Variants in CDH19 observed in about 807,000 individuals in gnomAD.
The protein encoded by CDH19 is cadherin 19.
Under a neutral mutation model 64.2 loss-of-function variants are expected in CDH19, and 67 were observed. That is an observed-to-expected ratio of 1.04 (90% CI 0.86 to 1.28). CDH19 has a LOEUF of 1.28. Among genes scored for constraint, CDH19 ranks in the 50% most tolerant of loss-of-function variants. CDH19 has a pLI of 0.00. For missense variants in CDH19, 1,030 were observed against 929.0 expected, an observed-to-expected ratio of 1.11 and a Z score of -1.41; for synonymous variants, 346 against 319.3, an observed-to-expected ratio of 1.08 and a Z score of -0.89.
intron 3 of CDH19, among the ~76,000 whole-genome samples, chr18:66,559,545 T>C (rs996920724): frequency 6.6e-6 from 1 of 150,462 alleles, no homozygotes; most frequent in Non-Finnish European, 1.5e-5. Context: ...TAAAACTAAA[T>C]AATTAAAGTT....
intron 9 of CDH19, among the ~76,000 whole-genome samples, chr18:66,526,431 A>G (rs1159453846): frequency 6.6e-6 from 1 of 152,124 alleles, no homozygotes; most frequent in African/African-American, 2.4e-5. Flanking sequence ...TGCAATAAAC[A>G]TTAGCATTTG....
intron 1 of CDH19, among the ~76,000 whole-genome samples, chr18:66,583,909 A>G (rs1036184744): frequency 6.6e-6 from 1 of 152,104 alleles, no homozygotes; most frequent in Non-Finnish European, 1.5e-5. Flanking sequence ...CTGGAAGACA[A>G]TCTAGGCAAT....
At chr18:66,582,301 T>A (rs1433018365) in intron 1 of CDH19, among the ~76,000 whole-genome samples, 2 of 151,934 alleles carry the variant, frequency 1.3e-5, no homozygotes, top group Non-Finnish European at 2.9e-5. Context: ...AAGTTGAAGC[T>A]GGGAAATGTG....
intron 9 of CDH19, among the ~76,000 whole-genome samples, chr18:66,527,074 T>C (rs555505540): frequency 2.0e-5 from 3 of 151,536 alleles, no homozygotes; most frequent in Non-Finnish European, 4.4e-5. Flanking sequence ...TGTGTGTATG[T>C]ATGTATATAT....
In CDH19 at chr18:66,529,953, C is replaced by T. The variant is rs560902669; in HGVS notation, c.1350G>A (p.Gln450=). 2.0e-6 allele frequency: 3 copies of T among 1,537,662 alleles called. No individual in the cohort carries two copies. The South Asian group carries it at 3.5e-5, about 18-fold the overall frequency. ...GCACATACAGTGGGATCGAAGAGAT[C>T]TGTTCTATATTGTCTGCAATTTGAA... is the stretch of plus-strand genomic sequence containing the variant. The part of the protein sequence containing the change: ...ITATEKYNIE[Q]ISSIPLYVQV... Residue 450 remains glutamine (Q), a synonymous_variant, in exon 9 of 12, where the codon CAG becomes CAA. Coordinates refer to ENST00000262150, the MANE Select transcript of CDH19 (RefSeq NM_021153.4).
rs111250290 is a variant in CDH19 at position 66,588,608 on chromosome 18, A to C, written c.-113+15346T>G. ...GATCTTACTCATTTTTACTAATCAT[A>C]TATATCTATATCTATATCTATATAT... On this transcript the variant is annotated intron_variant, in intron 1 of 11. Transcript: ENST00000262150. Among the ~76,000 whole-genome samples, 5 of 133,340 alleles carry C rather than the reference A, an allele frequency of 3.7e-5. No individual in the cohort carries two copies. The East Asian group carries it at 8.5e-4, about 23-fold the overall frequency. The allele number at this position is 133,340 out of a possible 152,430, so 87.5% of individuals were successfully genotyped here. A position where few individuals can be genotyped will look rare whatever the true frequency, so the allele number is the denominator to read the frequency against.
Position 66,513,284 on chromosome 18 carries a change from T to G in CDH19, c.1459-1599A>C, listed in dbSNP as rs184246417. 3.3e-5 allele frequency among the ~76,000 whole-genome samples: 5 copies of G among 151,608 alleles called. No homozygotes were observed. The East Asian group carries it at 9.7e-4, about 29-fold the overall frequency. The stretch of plus-strand genomic sequence containing the variant: ...ATATGCTGTATGTATGTCAAAAGAT[T>G]TTTAATAAATCAAAATACCTTATGC... On this transcript the variant is annotated intron_variant, in intron 9 of 11. Transcript: ENST00000262150.
intron 1 of CDH19, among the ~76,000 whole-genome samples, chr18:66,587,911 T>G (rs1490192799): frequency 1.3e-5 from 2 of 152,178 alleles, no homozygotes; most frequent in African/African-American, 4.8e-5. Context: ...TAGTAATTTG[T>G]CTCATAATTC....
chr18:66,578,373 T>A (rs144549977), intron 1 of CDH19, among the ~76,000 whole-genome samples: 1 of 152,018 alleles, frequency 6.6e-6, no homozygotes, highest in East Asian at 1.9e-4. Context: ...TAAAAAATGA[T>A]AATCAACACC....
Position 66,593,994 on chromosome 18 carries a change from T to G in CDH19, c.-113+9960A>C, listed in dbSNP as rs539315343. On this transcript the variant is annotated intron_variant, in intron 1 of 11. Coordinates refer to ENST00000262150, the MANE Select transcript of CDH19 (RefSeq NM_021153.4). ...GAAAATGGGCTAAATGCCCCACTTT[T>G]TAAAGACCCAACTGTGTGCTGAATT... 3.9e-5 allele frequency among the ~76,000 whole-genome samples: 6 copies of G among 152,188 alleles called. No individual in the cohort carries two copies. The South Asian group carries it at 8.3e-4, about 21-fold the overall frequency.
At chr18:66,545,117 T>C (rs1346545565) in intron 5 of CDH19, among the ~76,000 whole-genome samples, 1 of 152,052 alleles carries the variant, frequency 6.6e-6, no homozygotes, top group Non-Finnish European at 1.5e-5. Context: ...TAGCTGGGTC[T>C]ACAAGCGCCC....
intron 7 of CDH19, among the ~76,000 whole-genome samples, chr18:66,535,615 TTA>T (rs201851705): frequency 5.2e-4 from 75 of 144,428 alleles, no homozygotes; most frequent in South Asian, 8.6e-4. Context: ...TCCAAAATAT[TTA>T]TATATATATA....
At chr18:66,587,946 A>G (rs940435812) in intron 1 of CDH19, among the ~76,000 whole-genome samples, 1 of 152,200 alleles carries the variant, frequency 6.6e-6, no homozygotes, top group African/African-American at 2.4e-5. Context: ...TATTATATTC[A>G]TTTCAAAAGA....
At chr18:66,523,942 C>T (rs1378985648) in intron 9 of CDH19, among the ~76,000 whole-genome samples, 2 of 151,930 alleles carry the variant, frequency 1.3e-5, no homozygotes, top group Non-Finnish European at 2.9e-5. Flanking sequence ...AATTCCTGTG[C>T]ACAGCGCAGG....
At chr18:66,531,532 C>T (rs1986444619) in intron 8 of CDH19, among the ~76,000 whole-genome samples, 3 of 152,072 alleles carry the variant, frequency 2.0e-5, no homozygotes, top group Admixed American at 6.6e-5. Flanking sequence ...GTGGGAGAAT[C>T]GCTTGAGCAG....
chr18:66,569,757 C>T (rs1034192945), intron 2 of CDH19, among the ~76,000 whole-genome samples: 1 of 151,622 alleles, frequency 6.6e-6, no homozygotes, highest in Admixed American at 6.6e-5. Context: ...CATTGTGAAT[C>T]CACATTTTCT....
chr18:66,518,226 ATTAC>A (rs1157072889), intron 9 of CDH19, among the ~76,000 whole-genome samples: 2 of 151,518 alleles, frequency 1.3e-5, no homozygotes, highest in Non-Finnish European at 2.9e-5. Context: ...ATTCTTATTC[ATTAC>A]TTATTTATTT....
intron 7 of CDH19, among the ~76,000 whole-genome samples, chr18:66,541,470 T>C (rs940779083): frequency 3.3e-5 from 5 of 152,076 alleles, no homozygotes; most frequent in African/African-American, 1.2e-4. Flanking sequence ...ATCTTTTGCT[T>C]ACAAAGAAAA....
At chr18:66,516,938 CTA>C (rs1327439149) in intron 9 of CDH19, among the ~76,000 whole-genome samples, 2 of 151,948 alleles carry the variant, frequency 1.3e-5, no homozygotes, top group African/African-American at 4.8e-5. Flanking sequence ...AGAATAAAGA[CTA>C]GAATTAATTA....
Sources: gnomAD v4.1 joint callset for allele counts (sites outside exome capture counted in the v4.1 genomes callset) on GRCh38, gnomAD v4.1.1 for gene constraint, MANE v1.5 for transcripts, NCBI Gene and HGNC (gene_info 2026-07-23, HGNC 2026-07-21) for gene names.